MRPL1: variants seen among roughly 807,000 people sequenced by gnomAD.
MRPL1 encodes large ribosomal subunit protein uL1m.
Under a neutral mutation model 38.0 loss-of-function variants are expected in MRPL1, and 28 were observed. The ratio of observed to expected loss-of-function variants is 0.74; its 90% CI spans 0.55 to 1.01. The LOEUF is 1.01. Ranked by LOEUF, MRPL1 falls within the 50% of genes least tolerant of loss-of-function variation. The pLI is 0.00. For missense variants in MRPL1, 358 were observed against 389.8 expected (o/e 0.92, Z 0.69); for synonymous variants, 123 against 126.7 (o/e 0.97, Z 0.20).
intron 7 of MRPL1, among the ~76,000 whole-genome samples, chr4:77,941,175 G>GA (rs1165925343): frequency 9.9e-5 from 15 of 151,704 alleles, no homozygotes; most frequent in Non-Finnish European, 2.2e-4. Flanking sequence ...TGAGGCAGGA[G>GA]AATCACTTGA....
chr4:77,928,221 A>C (rs1234816790), intron 7 of MRPL1, among the ~76,000 whole-genome samples: 1 of 152,224 alleles, frequency 6.6e-6, no homozygotes, highest in Non-Finnish European at 1.5e-5. Context: ...TTATGTTGAA[A>C]TTAGAGAGCC....
At chr4:77,940,956 A>T (rs1008283497) in intron 7 of MRPL1, among the ~76,000 whole-genome samples, 8 of 152,172 alleles carry the variant, frequency 5.3e-5, no homozygotes, top group African/African-American at 1.9e-4. Flanking sequence ...TATTTTGTTA[A>T]GGATTTTTGC....
intron 6 of MRPL1, 134 bp downstream of exon 6, chr4:77,894,384 C>T: frequency 3.6e-6 from 2 of 553,250 alleles, no homozygotes; most frequent in Non-Finnish European, 6.3e-6. Flanking sequence ...GTTACGAGAA[C>T]CTACGGGTTT....
At chr4:77,877,310 G>A (rs942165303) in intron 2 of MRPL1, among the ~76,000 whole-genome samples, 34 of 152,070 alleles carry the variant, frequency 2.2e-4, no homozygotes, top group African/African-American at 7.2e-4. Context: ...CCCTTCATCT[G>A]TCAGAGCATT....
chr4:77,919,324 C>T (rs1268333224), intron 7 of MRPL1, among the ~76,000 whole-genome samples: 4 of 151,996 alleles, frequency 2.6e-5, no homozygotes, highest in Non-Finnish European at 4.4e-5. Flanking sequence ...TAAGTGTAAT[C>T]GAAGGCCACT....
chr4:77,941,278 A>T (rs1023291483), intron 7 of MRPL1, among the ~76,000 whole-genome samples: 47 of 152,100 alleles, frequency 3.1e-4, no homozygotes, highest in African/African-American at 1.1e-3. Flanking sequence ...AAAAAAAAAA[A>T]AAAGAGGATT....
At chr4:77,903,898 G>T (rs538275596) in intron 6 of MRPL1, among the ~76,000 whole-genome samples, 3 of 152,116 alleles carry the variant, frequency 2.0e-5, no homozygotes, top group South Asian at 2.1e-4. Flanking sequence ...AAAAAAGTTG[G>T]CAAGCATATT....
chr4:77,937,548 C>T (rs1287540490), intron 7 of MRPL1, among the ~76,000 whole-genome samples: 1 of 152,170 alleles, frequency 6.6e-6, no homozygotes, highest in Non-Finnish European at 1.5e-5. Flanking sequence ...GGTTTGATTT[C>T]CTTCATATAG....
At chr4:77,926,437 G>A (rs1025371096) in intron 7 of MRPL1, among the ~76,000 whole-genome samples, 3 of 152,126 alleles carry the variant, frequency 2.0e-5, no homozygotes, top group Non-Finnish European at 2.9e-5. Flanking sequence ...AGGATCTAAT[G>A]ATAGTAAGGC....
rs139560496 is a variant in MRPL1 at position 77,868,646 on chromosome 4, T to C, written c.32-3098T>C. On this transcript the variant is annotated intron_variant, in intron 1 of 8. Transcript: ENST00000315567. ...GACCTAATCTATTCAGGGGAGACTC[T>C]TCTGAAGAAATAATGTTAAGTAGAG... is the stretch of plus-strand genomic sequence containing the variant. Among the ~76,000 whole-genome samples, 818 of 152,350 alleles carry C rather than the reference T, an allele frequency of 5.4e-3. 7 individuals carry two copies. The highest frequency in any genetic ancestry group is 0.018 in the African/African-American group (769 of 41,584).
At chr4:77,887,319 G>A (rs1427686102) in intron 5 of MRPL1, 28 bp downstream of exon 5, 1 of 1,520,564 alleles carries the variant, frequency 6.6e-7, no homozygotes, top group Non-Finnish European at 9.1e-7. Flanking sequence ...TGTTCATTAA[G>A]TATAGAGATG....
intron 7 of MRPL1, among the ~76,000 whole-genome samples, chr4:77,937,520 G>T (rs1219120365): frequency 6.6e-6 from 1 of 152,200 alleles, no homozygotes; most frequent in East Asian, 1.9e-4. Context: ...GCCCATATTT[G>T]TGGTCCCCAT....
At position 77,871,792 on chromosome 4, in the gene MRPL1, C is replaced by T. The variant is rs1453172087; in HGVS notation, c.80C>T (p.Thr27Ile). 5 of 1,600,294 alleles carry T rather than the reference C, an allele frequency of 3.1e-6. No individual in the cohort carries two copies. The highest frequency in any genetic ancestry group is 1.4e-5 in the African/African-American group (1 of 74,030). Residue 27 changes from threonine to isoleucine, a missense_variant, in exon 2 of 9, where the codon ACA becomes ATA. By Grantham distance (89) the Thr-to-Ile change is moderately conservative. Transcript: ENST00000315567. ...AGCCTTTCCAAGATGGTTTATCAGA[C>T]ATCACTTTGTTCTTGTTCTGTAAAC... ...RHSLSKMVYQ[T>I]SLCSCSVNIR...
chr4:77,901,815 A>G (rs1175550210), intron 6 of MRPL1, among the ~76,000 whole-genome samples: 1 of 152,212 alleles, frequency 6.6e-6, no homozygotes, highest in Non-Finnish European at 1.5e-5. Context: ...AAAATTAGTA[A>G]GGATATAAAA....
chr4:77,930,203 G>C (rs770789783), intron 7 of MRPL1, among the ~76,000 whole-genome samples: 1 of 152,180 alleles, frequency 6.6e-6, no homozygotes, highest in South Asian at 2.1e-4. Flanking sequence ...GGCTTGAGAA[G>C]TGGAAATCAT....
intron 6 of MRPL1, chr4:77,907,289 A>G (rs1736178660): frequency 1.9e-6 from 1 of 525,536 alleles, no homozygotes; most frequent in South Asian, 8.3e-5. Flanking sequence ...AAATCTTAGG[A>G]GAGAAATAGT....
At chr4:77,866,743 A>AC (rs1309172369) in intron 1 of MRPL1, among the ~76,000 whole-genome samples, 6 of 124,502 alleles carry the variant, frequency 4.8e-5, no homozygotes, top group African/African-American at 1.5e-4. Context: ...CTGAAATATC[A>AC]CCCCCCTTTT....
intron 7 of MRPL1, among the ~76,000 whole-genome samples, chr4:77,946,297 C>T (rs1209200276): frequency 4.6e-5 from 7 of 152,160 alleles, no homozygotes; most frequent in African/African-American, 1.7e-4. Flanking sequence ...GACCTCATGG[C>T]TCTCTTCCCT....
At chr4:77,926,882 T>C (rs1310636807) in intron 7 of MRPL1, among the ~76,000 whole-genome samples, 4 of 152,184 alleles carry the variant, frequency 2.6e-5, no homozygotes, top group African/African-American at 7.2e-5. Flanking sequence ...GTGCTGGGAT[T>C]TCGGGCGTGA....
Sources: gnomAD v4.1 joint callset for allele counts (sites outside exome capture counted in the v4.1 genomes callset) on GRCh38, gnomAD v4.1.1 for gene constraint, MANE v1.5 for transcripts, NCBI Gene and HGNC (gene_info 2026-07-23, HGNC 2026-07-21) for gene names.